Variants in LCLAT1 observed in about 807,000 individuals in gnomAD.
The protein encoded by LCLAT1 is 1-AGP acyltransferase 8.
LCLAT1 carries 11 observed loss-of-function variants against 30.7 expected under a neutral mutation model. The observed-to-expected ratio is 0.36, with a 90% CI of 0.23 to 0.59. The LOEUF (loss-of-function observed/expected upper bound fraction) is 0.59. Among genes scored for constraint, LCLAT1 ranks in the 20% least tolerant of loss-of-function variants. The probability of loss-of-function intolerance (pLI) is 0.77; values close to 1 mark genes in which losing one functional copy is unlikely to be tolerated. For synonymous variants in LCLAT1, 155 were observed against 151.3 expected, an observed-to-expected ratio of 1.02 and a Z score of -0.18; for missense variants, 402 against 458.6, an observed-to-expected ratio of 0.88 and a Z score of 1.13.
chr2:30,584,299 C>G (rs1406542099), intron 5 of LCLAT1, among the ~76,000 whole-genome samples: 1 of 152,166 alleles, frequency 6.6e-6, no homozygotes, highest in Non-Finnish European at 1.5e-5. Flanking sequence ...CTACCCTGTT[C>G]TTGCTTCCTT....
intron 5 of LCLAT1, among the ~76,000 whole-genome samples, chr2:30,636,442 A>C (rs769928319): frequency 2.0e-5 from 3 of 152,202 alleles, no homozygotes; most frequent in Non-Finnish European, 4.4e-5. Flanking sequence ...TAAGCCTCAC[A>C]ACAACCTTCT....
chr2:30,590,363 T>C (rs945423121), intron 5 of LCLAT1, among the ~76,000 whole-genome samples: 6 of 151,630 alleles, frequency 4.0e-5, no homozygotes, highest in African/African-American at 1.5e-4. Context: ...TGATTAGTTA[T>C]TCCCTAGCTG....
chr2:30,500,754 A>G (rs1684335292), intron 1 of LCLAT1, among the ~76,000 whole-genome samples: 1 of 152,218 alleles, frequency 6.6e-6, no homozygotes, highest in East Asian at 1.9e-4. Context: ...AAAAAATAAT[A>G]TGAATGACAG....
chr2:30,584,254 G>A (rs576011511), intron 5 of LCLAT1, among the ~76,000 whole-genome samples: 17 of 152,270 alleles, frequency 1.1e-4, no homozygotes, highest in African/African-American at 3.1e-4. Context: ...AGTTACATGC[G>A]TGAACCTCTC....
At chr2:30,530,688 G>C (rs1449229864) in intron 2 of LCLAT1, among the ~76,000 whole-genome samples, 3 of 152,026 alleles carry the variant, frequency 2.0e-5, no homozygotes, top group Non-Finnish European at 4.4e-5. Flanking sequence ...TAAGGCTCTG[G>C]GCATGTTCCA....
chr2:30,504,078 T>C (rs2148347251), intron 1 of LCLAT1, among the ~76,000 whole-genome samples: 1 of 86,470 alleles, frequency 1.2e-5, no homozygotes, highest in East Asian at 4.7e-4. Flanking sequence ...CTTAAGGGAC[T>C]TACGTGTGTG....
At chr2:30,449,520 G>C (rs1184756855) in intron 1 of LCLAT1, among the ~76,000 whole-genome samples, 2 of 146,012 alleles carry the variant, frequency 1.4e-5, no homozygotes, top group African/African-American at 5.1e-5. Flanking sequence ...TTTTTTTTGA[G>C]AGGGAGGTTC....
At chr2:30,605,424 A>G (rs917875787) in intron 5 of LCLAT1, among the ~76,000 whole-genome samples, 5 of 152,194 alleles carry the variant, frequency 3.3e-5, no homozygotes, top group Middle Eastern at 3.2e-3. Flanking sequence ...GAATGTACCA[A>G]TGCAGGACAC....
chr2:30,448,976 C>T lies in LCLAT1; in HGVS notation c.-5+1593C>T, dbSNP rs11685202. 4.8e-3 allele frequency among the ~76,000 whole-genome samples: 737 copies of T among 152,278 alleles called. 4 individuals are homozygous for T. Among genetic ancestry groups the T allele is most frequent in the Middle Eastern group, 0.01 (3 of 294 alleles). On this transcript the variant is annotated intron_variant, in intron 1 of 5. Coordinates refer to ENST00000379509, the MANE Select transcript of LCLAT1 (RefSeq NM_001002257.3). The stretch of plus-strand genomic sequence containing the variant: ...ACAGTGAAAATATTTGAAATTTATT[C>T]CTCTGCATTCATGTACTCTGCCAGG...
chr2:30,535,419 A>G (rs1412654316), intron 3 of LCLAT1, among the ~76,000 whole-genome samples: 2 of 152,190 alleles, frequency 1.3e-5, no homozygotes, highest in Admixed American at 1.3e-4. Flanking sequence ...CATTGTGTGC[A>G]TACGTGTGTT....
chr2:30,457,232 C>T (rs982544644), intron 1 of LCLAT1, among the ~76,000 whole-genome samples: 1 of 152,086 alleles, frequency 6.6e-6, no homozygotes, highest in Non-Finnish European at 1.5e-5. Context: ...GGGATTAACT[C>T]CAGTTTTCTT....
At chr2:30,487,465 A>G (rs1683616433) in intron 1 of LCLAT1, among the ~76,000 whole-genome samples, 1 of 152,200 alleles carries the variant, frequency 6.6e-6, no homozygotes, top group Admixed American at 6.5e-5. Flanking sequence ...TCCCTTCTAT[A>G]AACATTAAAC....
chr2:30,484,097 A>G (rs1015703076), intron 1 of LCLAT1, among the ~76,000 whole-genome samples: 1 of 152,078 alleles, frequency 6.6e-6, no homozygotes, highest in Admixed American at 6.5e-5. Context: ...AAATTAGTCT[A>G]TTACCCATGT....
intron 5 of LCLAT1, among the ~76,000 whole-genome samples, chr2:30,631,987 A>T (rs1452311190): frequency 6.6e-6 from 1 of 152,212 alleles, no homozygotes; most frequent in Non-Finnish European, 1.5e-5. Flanking sequence ...CTATCTGGAA[A>T]ATTAAACTTG....
chr2:30,622,555 C>T (rs1668313754), intron 5 of LCLAT1, among the ~76,000 whole-genome samples: 1 of 152,200 alleles, frequency 6.6e-6, no homozygotes, highest in Non-Finnish European at 1.5e-5. Context: ...GAGTCCGCTT[C>T]ACTCCCCCAA....
rs571741172 is a variant in LCLAT1 at position 30,621,169 on chromosome 2, T to A, written c.629-18948T>A. Among the ~76,000 whole-genome samples the A allele has an allele frequency of 5.3e-4, 81 of 152,284 alleles. 1 individual carries two copies. The South Asian group carries it at 0.017, about 31-fold the overall frequency. On this transcript the variant is annotated intron_variant, in intron 5 of 5. Coordinates refer to ENST00000379509, the MANE Select transcript of LCLAT1 (RefSeq NM_001002257.3). ...TGTATTGTTATTCTCCCTGCTTAAATTTTAGGATCAGTAACTACTCATCCA... is the reference window on the plus strand; with the variant it reads ...TGTATTGTTATTCTCCCTGCTTAAAATTTAGGATCAGTAACTACTCATCCA...
At chr2:30,599,423 C>T (rs185608442) in intron 5 of LCLAT1, among the ~76,000 whole-genome samples, 66 of 152,308 alleles carry the variant, frequency 4.3e-4, no homozygotes, top group East Asian at 1.2e-3. Flanking sequence ...TGCCATGTGG[C>T]GCTGAGAAGA....
At chr2:30,448,740 T>C (rs1212446703) in intron 1 of LCLAT1, among the ~76,000 whole-genome samples, 2 of 152,192 alleles carry the variant, frequency 1.3e-5, no homozygotes, top group African/African-American at 4.8e-5. Flanking sequence ...ACTGGATCCA[T>C]GGAGATTTGG....
At chr2:30,569,055 TG>T (rs1665651772) in intron 5 of LCLAT1, among the ~76,000 whole-genome samples, 1 of 152,168 alleles carries the variant, frequency 6.6e-6, no homozygotes, top group Non-Finnish European at 1.5e-5. Flanking sequence ...GGAAGGCAAG[TG>T]CCACTACCTC....
Sources: allele counts gnomAD v4.1 joint callset (sites outside exome capture counted in the v4.1 genomes callset), GRCh38; gene constraint gnomAD v4.1.1; transcripts MANE v1.5; gene names NCBI Gene and HGNC (gene_info 2026-07-23, HGNC 2026-07-21).